The following SEZ6L variants were observed in gnomAD, a reference collection of about 807,000 sequenced individuals.
SEZ6L encodes seizure 6-like protein.
Under a neutral mutation model 106.2 loss-of-function variants are expected in SEZ6L, and 37 were observed. The ratio of observed to expected loss-of-function variants is 0.35; its 90% CI spans 0.27 to 0.46. SEZ6L has a LOEUF of 0.46. Ranked by LOEUF, SEZ6L falls within the 20% of genes least tolerant of loss-of-function variation. The probability of loss-of-function intolerance (pLI) is 1.00; values close to 1 mark genes in which losing one functional copy is unlikely to be tolerated. For synonymous variants in SEZ6L, 541 were observed against 570.4 expected (o/e 0.95, Z 0.73); for missense variants, 1,172 against 1,332.8 (o/e 0.88, Z 1.88).
At chr22:26,253,111 T>C (rs2079662335) in intron 1 of SEZ6L, among the ~76,000 whole-genome samples, 1 of 152,194 alleles carries the variant, frequency 6.6e-6, no homozygotes, top group Non-Finnish European at 1.5e-5. Context: ...GTGGGTATTA[T>C]TATTCTCCTC....
In SEZ6L at chr22:26,340,459, T is replaced by C; in HGVS notation, c.2039T>C (p.Ile680Thr). The change falls in exon 10 of 17, where the codon ATC becomes ACC. Residue 680 changes from isoleucine (I) to threonine (T), a missense_variant. Coordinates refer to ENST00000248933, the MANE Select transcript of SEZ6L (RefSeq NM_021115.5). ...AGCCTGAATCTGAGCAACAGTGACATCTTGACCATCTACGATGGCGACGAG... is the reference window on the plus strand; with the variant it reads ...AGCCTGAATCTGAGCAACAGTGACACCTTGACCATCTACGATGGCGACGAG... ...IQFLNLSNSD[I>T]LTIYDGDEVM... 1 of 1,613,770 alleles carries C rather than the reference T, an allele frequency of 6.2e-7. No individual in the cohort carries two copies. The highest frequency in any genetic ancestry group is 1.7e-5 in the Admixed American group (1 of 59,956).
intron 9 of SEZ6L, among the ~76,000 whole-genome samples, chr22:26,327,944 C>T (rs2082370799): frequency 6.6e-6 from 1 of 152,252 alleles, no homozygotes; most frequent in Non-Finnish European, 1.5e-5. Flanking sequence ...CAGATGCCAT[C>T]TGGGGTCACC....
chr22:26,169,855 A>G, intron 1 of SEZ6L, 92 bp downstream of exon 1: 1 of 551,986 alleles, frequency 1.8e-6, no homozygotes, highest in African/African-American at 1.9e-5. Context: ...CGACTCAGGC[A>G]CCACCCGCCG....
rs140439706 is a variant in SEZ6L, at chr22:26,233,317, G to T, written c.95-59089G>T. ...GCCTTCATCCTGTCATGGGTGGCGT[G>T]ATCCCCCCTGGCACATCTTTGCAGG... On this transcript the variant is annotated intron_variant, in intron 1 of 16. Transcript: ENST00000248933. Among the ~76,000 whole-genome samples, 402 of 152,322 alleles carry T rather than the reference G, an allele frequency of 2.6e-3. 2 individuals carry two copies. The highest frequency in any genetic ancestry group is 9.5e-3 in the African/African-American group (393 of 41,584).
intron 1 of SEZ6L, among the ~76,000 whole-genome samples, chr22:26,229,468 C>T (rs1184141796): frequency 6.6e-6 from 1 of 152,190 alleles, no homozygotes; most frequent in Non-Finnish European, 1.5e-5. Flanking sequence ...ATAACAATCT[C>T]TCAGGCTGCG....
intron 1 of SEZ6L, among the ~76,000 whole-genome samples, chr22:26,195,736 T>A (rs1387512800): frequency 6.6e-6 from 1 of 151,982 alleles, no homozygotes. Flanking sequence ...CGTATGTGTA[T>A]GTATGTGTGT....
intron 1 of SEZ6L, among the ~76,000 whole-genome samples, chr22:26,193,095 A>T (rs550013115): frequency 6.6e-6 from 1 of 152,192 alleles, no homozygotes; most frequent in South Asian, 2.1e-4. Flanking sequence ...CATTGGGAAC[A>T]TTTTTTTTCC....
intron 1 of SEZ6L, among the ~76,000 whole-genome samples, chr22:26,290,096 C>G (rs1007893574): frequency 2.5e-4 from 38 of 152,304 alleles, no homozygotes; most frequent in African/African-American, 8.7e-4. Context: ...GAAATAATAG[C>G]CCCATTTGAC....
intron 1 of SEZ6L, among the ~76,000 whole-genome samples, chr22:26,235,706 G>A (rs980497154): frequency 6.6e-6 from 1 of 152,158 alleles, no homozygotes; most frequent in African/African-American, 2.4e-5. Flanking sequence ...AGGCTTAGGG[G>A]CTTGAATTAA....
chr22:26,320,398 A>T (rs2082122296), intron 9 of SEZ6L, among the ~76,000 whole-genome samples: 1 of 152,232 alleles, frequency 6.6e-6, no homozygotes, highest in South Asian at 2.1e-4. Context: ...GGCAGCTGTC[A>T]CGACTTGCGT....
intron 1 of SEZ6L, among the ~76,000 whole-genome samples, chr22:26,211,980 CAG>C (rs1286231613): frequency 2.6e-5 from 4 of 151,808 alleles, no homozygotes; most frequent in Admixed American, 6.6e-5. Context: ...ATTTGCATAA[CAG>C]GGATTTCAGC....
intron 1 of SEZ6L, among the ~76,000 whole-genome samples, chr22:26,220,710 C>T (rs972298141): frequency 6.6e-6 from 1 of 152,178 alleles, no homozygotes; most frequent in African/African-American, 2.4e-5. Context: ...CCCTGCCTGT[C>T]CCTCCCCCAT....
At chr22:26,334,466 C>T (rs1325409572) in intron 9 of SEZ6L, among the ~76,000 whole-genome samples, 6 of 152,184 alleles carry the variant, frequency 3.9e-5, no homozygotes, top group Admixed American at 3.3e-4. Context: ...TGCTGCATTC[C>T]TTTTTATGGC....
chr22:26,265,442 A>G (rs1351508202), intron 1 of SEZ6L, among the ~76,000 whole-genome samples: 3 of 152,224 alleles, frequency 2.0e-5, no homozygotes, highest in Non-Finnish European at 4.4e-5. Context: ...AATAGCATCA[A>G]AATCAATTTC....
At chr22:26,185,338 G>A (rs1055896329) in intron 1 of SEZ6L, among the ~76,000 whole-genome samples, 3 of 152,180 alleles carry the variant, frequency 2.0e-5, no homozygotes, top group Admixed American at 2.0e-4. Flanking sequence ...CCCAGTGAGA[G>A]TCAGAGACCT....
Position 26,314,013 on chromosome 22 carries a change from G to T in SEZ6L, c.2015+111G>T, listed in dbSNP as rs1483051840. The T allele has an allele frequency of 5.2e-6, 6 of 1,144,680 alleles. No homozygotes were observed. In the East Asian group the frequency reaches 1.5e-4, roughly 28 times the overall value. 70.9% of individuals were successfully genotyped at this position (1,144,680 alleles called of 1,614,324 possible). ...AATATTAACTAAGCATCTACTATGT[G>T]CCGGGACTATGCAGAGAACAGGCAT... On this transcript the variant is annotated intron_variant, in intron 9 of 16. Transcript: ENST00000248933.
intron 1 of SEZ6L, among the ~76,000 whole-genome samples, chr22:26,171,305 G>A (rs142257560): frequency 1.4e-3 from 215 of 152,216 alleles, no homozygotes; most frequent in Non-Finnish European, 2.7e-3. Flanking sequence ...CCACAGCATG[G>A]CCTTTCTTAA....
intron 1 of SEZ6L, among the ~76,000 whole-genome samples, chr22:26,212,935 G>T (rs996411245): frequency 6.6e-6 from 1 of 152,174 alleles, no homozygotes; most frequent in African/African-American, 2.4e-5. Flanking sequence ...TGGGATGGGG[G>T]TTGGCAAAAA....
At chr22:26,243,888 C>T (rs2079228558) in intron 1 of SEZ6L, among the ~76,000 whole-genome samples, 1 of 151,778 alleles carries the variant, frequency 6.6e-6, no homozygotes, top group African/African-American at 2.4e-5. Flanking sequence ...GGAGACCTGG[C>T]GTGGTGGCTC....
Sources: gnomAD v4.1 joint callset for allele counts (sites outside exome capture counted in the v4.1 genomes callset) on GRCh38, gnomAD v4.1.1 for gene constraint, MANE v1.5 for transcripts, NCBI Gene and HGNC (gene_info 2026-07-23, HGNC 2026-07-21) for gene names.